IGFL2: variants seen among roughly 807,000 people sequenced by gnomAD.
IGFL2 encodes the protein IGF like family member 2.
A neutral mutation model predicts 13.9 loss-of-function variants in IGFL2; 7 were observed. That is an observed-to-expected ratio of 0.51 (90% confidence interval 0.29 to 0.95). The LOEUF (loss-of-function observed/expected upper bound fraction) is 0.95, where lower values mean the gene tolerates loss of function less well. Ranked by LOEUF, IGFL2 falls within the 40% of genes least tolerant of loss-of-function variation. IGFL2 has a pLI of 0.08. For missense variants in IGFL2, 138 were observed against 147.8 expected (o/e 0.93, Z 0.34); for synonymous variants, 55 against 55.8 (o/e 0.99, Z 0.07).
At chr19:46,123,070 T>C in the IGFL2 span, among the ~76,000 whole-genome samples, 2 of 151,068 alleles carry the variant, frequency 1.3e-5, no homozygotes, top group Non-Finnish European at 2.9e-5. Context: ...TTCTAAAGAT[T>C]GGTATACCAC....
the IGFL2 span, among the ~76,000 whole-genome samples, chr19:46,193,548 T>TGCC: frequency 6.6e-6 from 1 of 151,894 alleles, no homozygotes; most frequent in Non-Finnish European, 1.5e-5. Flanking sequence ...TTCCTTTCAG[T>TGCC]AAAAAGATGA....
At chr19:46,193,300 G>A in the IGFL2 span, among the ~76,000 whole-genome samples, 24 of 152,240 alleles carry the variant, frequency 1.6e-4, no homozygotes, top group East Asian at 3.7e-3. Context: ...GTCCTGCCCC[G>A]CTGGTGAGTC....
chr19:46,155,696 G>A (rs998909922), intron 1 of IGFL2, among the ~76,000 whole-genome samples: 1 of 152,122 alleles, frequency 6.6e-6, no homozygotes, highest in Non-Finnish European at 1.5e-5. Context: ...TGTGAGATAA[G>A]GGTCAAGATA....
upstream of IGFL2, among the ~76,000 whole-genome samples, chr19:46,141,847 G>T (rs976093121): frequency 6.6e-6 from 1 of 152,090 alleles, no homozygotes; most frequent in African/African-American, 2.4e-5. Flanking sequence ...TGCCCAACCC[G>T]AATTCACCCT....
chr19:46,080,343 C>T, the IGFL2 span, among the ~76,000 whole-genome samples: 5,367 of 152,070 alleles, frequency 0.035, 144 homozygotes, highest in East Asian at 0.071. Context: ...AGACCATTCT[C>T]ATCAACATAG....
At chr19:46,081,231 T>C in the IGFL2 span, among the ~76,000 whole-genome samples, 2 of 152,248 alleles carry the variant, frequency 1.3e-5, no homozygotes, top group African/African-American at 4.8e-5. Flanking sequence ...GTGTTCATTA[T>C]CGTGATTGCG....
the IGFL2 span, among the ~76,000 whole-genome samples, chr19:46,177,191 T>A: frequency 6.6e-6 from 1 of 151,626 alleles, no homozygotes; most frequent in Non-Finnish European, 1.5e-5. Context: ...GAGGTGGAGT[T>A]CGAGACCAGC....
At chr19:46,128,217 G>A in the IGFL2 span, among the ~76,000 whole-genome samples, 2 of 152,302 alleles carry the variant, frequency 1.3e-5, no homozygotes, top group African/African-American at 4.8e-5. Context: ...CTTCGCTGAA[G>A]TTGCTTATCA....
chr19:46,210,388 C>T, the IGFL2 span: 1 of 152,170 alleles, frequency 6.6e-6, no homozygotes, highest in South Asian at 2.1e-4. Context: ...CAGTGAGAGC[C>T]AGGGAAGGTG....
chr19:46,106,099 G>C, the IGFL2 span, among the ~76,000 whole-genome samples: 1 of 152,090 alleles, frequency 6.6e-6, no homozygotes, highest in Non-Finnish European at 1.5e-5. Context: ...AAGGAAAGGA[G>C]TTGTTGTTTG....
At chr19:46,100,220 G>A in the IGFL2 span, among the ~76,000 whole-genome samples, 22 of 152,032 alleles carry the variant, frequency 1.4e-4, no homozygotes, top group Non-Finnish European at 3.1e-4. Context: ...AGTTTTCAGC[G>A]TTTTTTCATT....
At chr19:46,157,305 AAGAC>A (rs1973878070) in intron 1 of IGFL2, among the ~76,000 whole-genome samples, 2 of 152,184 alleles carry the variant, frequency 1.3e-5, no homozygotes, top group South Asian at 4.1e-4. Context: ...AAATCATAAA[AAGAC>A]AAACAAGAAC....
chr19:46,201,336 C>T, the IGFL2 span, among the ~76,000 whole-genome samples: 8 of 152,252 alleles, frequency 5.3e-5, no homozygotes, highest in African/African-American at 1.9e-4. Context: ...ATAAAAATGC[C>T]CCAGCCTTGC....
chr19:46,180,370 G>T, the IGFL2 span, among the ~76,000 whole-genome samples: 1 of 151,866 alleles, frequency 6.6e-6, no homozygotes, highest in Non-Finnish European at 1.5e-5. Context: ...GTAGAGACAG[G>T]GTTTCTCCAT....
chr19:46,082,834 C>G, the IGFL2 span, among the ~76,000 whole-genome samples: 232 of 152,174 alleles, frequency 1.5e-3, 1 homozygote, highest in African/African-American at 4.9e-3. Flanking sequence ...GGGTAGCTCT[C>G]CTTGACAAAC....
chr19:46,210,056 A>G, the IGFL2 span: 1 of 152,224 alleles, frequency 6.6e-6, no homozygotes, highest in African/African-American at 2.4e-5. Context: ...TGGTTCAGCT[A>G]AAAATAAAGC....
rs141381233 is a variant in IGFL2 at position 46,156,533 on chromosome 19, A to G, written c.20-3882A>G. Among the ~76,000 whole-genome samples, 8 of 152,282 alleles carry G rather than the reference A, an allele frequency of 5.3e-5. No homozygotes were observed. In the East Asian group the frequency reaches 1.5e-3, roughly 29 times the overall value. On this transcript the variant is annotated intron_variant, in intron 1 of 3. Coordinates refer to ENST00000377693, the MANE Select transcript of IGFL2 (RefSeq NM_001135113.2). ...AAGCACTTGGCAGCTAAGCAACACA[A>G]CTCTAAATAACTCATGGTTTAAAGA... is the stretch of plus-strand genomic sequence containing the variant.
the IGFL2 span, among the ~76,000 whole-genome samples, chr19:46,190,902 A>C: frequency 1.3e-5 from 2 of 152,200 alleles, no homozygotes; most frequent in African/African-American, 2.4e-5. Flanking sequence ...AGGGTTGACT[A>C]TTCGGGAGTC....
chr19:46,164,909 T>G (rs1472211910), downstream of IGFL2, among the ~76,000 whole-genome samples: 1 of 152,210 alleles, frequency 6.6e-6, no homozygotes, highest in Non-Finnish European at 1.5e-5. Flanking sequence ...TACTTGAGTG[T>G]CGTCTGGTCA....
Sources: gnomAD v4.1 joint callset for allele counts (sites outside exome capture counted in the v4.1 genomes callset) on GRCh38, gnomAD v4.1.1 for gene constraint, MANE v1.5 for transcripts, NCBI Gene and HGNC (gene_info 2026-07-23, HGNC 2026-07-21) for gene names.